Variants in GABRB2 observed in about 807,000 individuals in gnomAD.
GABRB2 encodes gamma-aminobutyric acid type A receptor subunit beta2, also known as gamma-aminobutyric acid receptor subunit beta-2.
In GABRB2, 16 loss-of-function variants were observed where a neutral mutation model predicts 54.7. That is an observed-to-expected ratio of 0.29 (90% CI 0.20 to 0.44). The LOEUF is 0.44. Among genes scored for constraint, GABRB2 ranks in the 20% least tolerant of loss-of-function variants. The pLI is 1.00. For synonymous variants in GABRB2, 244 were observed against 233.8 expected, an observed-to-expected ratio of 1.04 and a Z score of -0.40; for missense variants, 355 against 644.0, an observed-to-expected ratio of 0.55 and a Z score of 4.86.
At chr5:161,546,817 A>T, upstream of GABRB2, 5 of 1,394,070 alleles carry the variant, frequency 3.6e-6, no homozygotes, top group Non-Finnish European at 4.7e-6. Context: ...AAAAAAAAAA[A>T]AATTAAAAGG....
intron 4 of GABRB2, among the ~76,000 whole-genome samples, chr5:161,416,192 G>A (rs970282902): frequency 4.6e-5 from 7 of 151,960 alleles, no homozygotes; most frequent in African/African-American, 1.7e-4. Flanking sequence ...CTCTCATCTC[G>A]GCCTCCCTAA....
chr5:161,458,919 A>C (rs1341764518), intron 4 of GABRB2, among the ~76,000 whole-genome samples: 1 of 152,214 alleles, frequency 6.6e-6, no homozygotes. Context: ...CTTCCACTCT[A>C]ATGAAGAGAA....
At chr5:161,362,922 TGTTGATGGGA>T (rs1754856390) in intron 5 of GABRB2, among the ~76,000 whole-genome samples, 1 of 152,202 alleles carries the variant, frequency 6.6e-6, no homozygotes, top group Admixed American at 6.5e-5. Context: ...GCTTTTACAC[TGTTGATGGGA>T]GTGTAAATTA....
chr5:161,479,223 T>A (rs1045923129), intron 3 of GABRB2, among the ~76,000 whole-genome samples: 5 of 152,084 alleles, frequency 3.3e-5, no homozygotes, highest in Non-Finnish European at 4.4e-5. Context: ...CAAAGTTTTA[T>A]CACTCACTCT....
chr5:161,461,616 T>C (rs1189326802), intron 3 of GABRB2, among the ~76,000 whole-genome samples: 1 of 152,198 alleles, frequency 6.6e-6, no homozygotes, highest in Non-Finnish European at 1.5e-5. Flanking sequence ...AGCCTATGGG[T>C]ACAATGTAAT....
intron 4 of GABRB2, among the ~76,000 whole-genome samples, chr5:161,454,479 C>A (rs1757892009): frequency 6.6e-6 from 1 of 152,162 alleles, no homozygotes; most frequent in Admixed American, 6.5e-5. Context: ...CCCACTCTTT[C>A]TGTTCTACAC....
In GABRB2 at chr5:161,459,499, G is replaced by C. The variant is rs55782657; in HGVS notation, c.458+125C>G. On this transcript the variant is annotated intron_variant, in intron 4 of 9. Coordinates refer to ENST00000393959, the MANE Select transcript of GABRB2 (RefSeq NM_001371727.1). ...AAGCTCTCAAATGTCTAGTGGATAG[G>C]AGGCTTAACTGTTTCTTAGTAGAAT... The C allele has an allele frequency of 9.5e-3, 7,503 of 791,130 alleles. 55 individuals are homozygous for C. The highest frequency in any genetic ancestry group is 0.013 in the Non-Finnish European group (5,999 of 468,232). The allele number at this position is 791,130 out of a possible 1,614,324, so 49.0% of individuals were successfully genotyped here. A position where few individuals can be genotyped will look rare whatever the true frequency, so the allele number is the denominator to read the frequency against.
intron 3 of GABRB2, among the ~76,000 whole-genome samples, chr5:161,515,325 T>C (rs1388396703): frequency 2.6e-5 from 4 of 152,134 alleles, no homozygotes; most frequent in Admixed American, 1.3e-4. Flanking sequence ...TTTTCAGCAA[T>C]ATTTGGTCTA....
At chr5:161,490,183 A>G (rs1759057535) in intron 3 of GABRB2, among the ~76,000 whole-genome samples, 1 of 151,744 alleles carries the variant, frequency 6.6e-6, no homozygotes, top group African/African-American at 2.4e-5. Context: ...CAATTTCACA[A>G]ATTAATTATC....
rs537374795 is a variant in GABRB2 at position 161,443,807 on chromosome 5, T to C, written c.458+15817A>G. On this transcript the variant is annotated intron_variant, in intron 4 of 9. Coordinates refer to ENST00000393959, the MANE Select transcript of GABRB2 (RefSeq NM_001371727.1). ...AGGGCCAGACATGTGGTTTGTCTCATGCCATCATCAGGGGTAATGACCAAT... is the reference window on the plus strand; with the variant it reads ...AGGGCCAGACATGTGGTTTGTCTCACGCCATCATCAGGGGTAATGACCAAT... 3.3e-5 allele frequency among the ~76,000 whole-genome samples: 5 copies of C among 152,314 alleles called. No homozygotes were observed. The South Asian group carries it at 1.0e-3, about 32-fold the overall frequency.
At chr5:161,488,565 G>T (rs1201045851) in intron 3 of GABRB2, among the ~76,000 whole-genome samples, 1 of 151,638 alleles carries the variant, frequency 6.6e-6, no homozygotes, top group Non-Finnish European at 1.5e-5. Context: ...ATGATTATTG[G>T]CTTTTGATTA....
At chr5:161,432,934 G>A (rs1037189581) in intron 4 of GABRB2, among the ~76,000 whole-genome samples, 1 of 149,650 alleles carries the variant, frequency 6.7e-6, no homozygotes, top group Admixed American at 6.7e-5. Flanking sequence ...GATTCACCTC[G>A]TACTTTATGG....
intron 3 of GABRB2, among the ~76,000 whole-genome samples, chr5:161,505,501 T>C (rs1177997445): frequency 6.6e-6 from 1 of 152,140 alleles, no homozygotes; most frequent in Non-Finnish European, 1.5e-5. Context: ...GACAGAAAAC[T>C]GTGCACCTAT....
At chr5:161,359,402 T>G (rs1229979859) in intron 5 of GABRB2, among the ~76,000 whole-genome samples, 1 of 150,928 alleles carries the variant, frequency 6.6e-6, no homozygotes, top group Non-Finnish European at 1.5e-5. Flanking sequence ...TAGCTAAGTT[T>G]GAAATGTAAT....
At chr5:161,382,242 G>A (rs1223194818) in intron 5 of GABRB2, among the ~76,000 whole-genome samples, 3 of 152,168 alleles carry the variant, frequency 2.0e-5, no homozygotes, top group East Asian at 3.9e-4. Flanking sequence ...CAGGAAGTGC[G>A]CTATCCTCTA....
At chr5:161,348,159 C>T (rs1754373501) in intron 5 of GABRB2, among the ~76,000 whole-genome samples, 1 of 151,964 alleles carries the variant, frequency 6.6e-6, no homozygotes, top group Non-Finnish European at 1.5e-5. Flanking sequence ...TATACTGCAA[C>T]ATTATTAAGG....
chr5:161,410,390 T>TCACACACA (rs908008452), intron 5 of GABRB2, among the ~76,000 whole-genome samples: 1 of 59,778 alleles, frequency 1.7e-5, no homozygotes, highest in Non-Finnish European at 6.4e-5. Context: ...AACAGAATTC[T>TCACACACA]CACACACACA....
At chr5:161,373,593 T>C (rs996435871) in intron 5 of GABRB2, among the ~76,000 whole-genome samples, 4 of 152,212 alleles carry the variant, frequency 2.6e-5, no homozygotes, top group Admixed American at 6.5e-5. Context: ...CAGGCCTTTT[T>C]TTGGAATAGA....
intron 9 of GABRB2, 24 bp from the exon 10 acceptor site, chr5:161,294,452 G>A: frequency 6.3e-7 from 1 of 1,595,342 alleles, no homozygotes; most frequent in Non-Finnish European, 8.6e-7. Flanking sequence ...GAATCAAAAA[G>A]ACAATCAGAA....
Sources: gnomAD v4.1 joint callset for allele counts (sites outside exome capture counted in the v4.1 genomes callset) on GRCh38, gnomAD v4.1.1 for gene constraint, MANE v1.5 for transcripts, NCBI Gene and HGNC (gene_info 2026-07-23, HGNC 2026-07-21) for gene names.